The following SPTY2D1 variants were observed in gnomAD, a reference collection of about 807,000 sequenced individuals.
SPTY2D1 encodes the protein SPT2 chromatin protein domain containing 1, also known as protein SPT2 homolog.
Under a neutral mutation model 64.0 loss-of-function variants are expected in SPTY2D1, and 21 were observed. The observed-to-expected ratio is 0.33, with a 90% CI of 0.23 to 0.47. The LOEUF is 0.47. SPTY2D1 is among the 20% of genes least tolerant of loss of function. SPTY2D1 has a pLI of 1.00. For synonymous variants in SPTY2D1, 287 were observed against 286.8 expected, an observed-to-expected ratio of 1.00 and a Z score of -0.01; for missense variants, 724 against 837.2, an observed-to-expected ratio of 0.86 and a Z score of 1.67.
chr11:18,623,960 G>A (rs998281114), intron 1 of SPTY2D1, among the ~76,000 whole-genome samples: 9 of 152,024 alleles, frequency 5.9e-5, no homozygotes, highest in Non-Finnish European at 8.8e-5. Flanking sequence ...CTGAATATTC[G>A]GATTGTCTCT....
chr11:18,614,434 G>A (rs571883766), intron 3 of SPTY2D1, 129 bp downstream of exon 3: 25 of 930,768 alleles, frequency 2.7e-5, no homozygotes, highest in East Asian at 2.2e-4. Context: ...AAAACATCAC[G>A]ATTCTATCAA....
chr11:18,607,736 AG>A lies in SPTY2D1; in HGVS notation c.*2124del, dbSNP rs745814549. ...TTTTTTCTTTTAAATGAGCCACAGA[AG>A]TGCTCTTTTATAATGTTGACGCAAA... On this transcript the variant is annotated 3_prime_UTR_variant, in exon 6 of 6. Coordinates refer to ENST00000336349, the MANE Select transcript of SPTY2D1 (RefSeq NM_194285.3). 1 of 152,222 alleles carries A rather than the reference AG, an allele frequency of 6.6e-6. No individual in the cohort carries two copies. The highest frequency in any genetic ancestry group is 1.5e-5 in the Non-Finnish European group (1 of 68,044). 9.4% of individuals were successfully genotyped at this position (152,222 alleles called of 1,614,324 possible). A position where few individuals can be genotyped will look rare whatever the true frequency, so the allele number is the denominator to read the frequency against.
At chr11:18,623,353 T>C (rs1207140211) in intron 1 of SPTY2D1, among the ~76,000 whole-genome samples, 1 of 152,226 alleles carries the variant, frequency 6.6e-6, no homozygotes, top group Non-Finnish European at 1.5e-5. Context: ...CATGTTCTTG[T>C]CTCCCCTCAG....
intron 1 of SPTY2D1, among the ~76,000 whole-genome samples, chr11:18,624,722 G>C (rs1386214185): frequency 1.3e-5 from 2 of 152,234 alleles, no homozygotes; most frequent in Admixed American, 1.3e-4. Context: ...TCCCTGGCCA[G>C]GCGTGATGGC....
chr11:18,633,482 C>T (rs1590408045), intron 1 of SPTY2D1, among the ~76,000 whole-genome samples: 1 of 152,212 alleles, frequency 6.6e-6, no homozygotes, highest in African/African-American at 2.4e-5. Context: ...AGTCTTACAC[C>T]GCTCTTGCGA....
At chr11:18,613,742 C>T (rs774155413) in intron 3 of SPTY2D1, among the ~76,000 whole-genome samples, 29 of 152,154 alleles carry the variant, frequency 1.9e-4, no homozygotes, top group Non-Finnish European at 2.9e-4. Flanking sequence ...AAAGCAAGTA[C>T]GACCTAGCAG....
At chr11:18,630,552 C>T (rs1038775451) in intron 1 of SPTY2D1, among the ~76,000 whole-genome samples, 2 of 152,158 alleles carry the variant, frequency 1.3e-5, no homozygotes, top group African/African-American at 2.4e-5. Flanking sequence ...GTCTAATCAT[C>T]GCTAGTCACT....
intron 1 of SPTY2D1, among the ~76,000 whole-genome samples, chr11:18,618,865 C>T (rs1565160222): frequency 6.6e-6 from 1 of 152,178 alleles, no homozygotes; most frequent in Non-Finnish European, 1.5e-5. Flanking sequence ...CTAATTCAAC[C>T]TGAAAATCTT....
intron 3 of SPTY2D1, among the ~76,000 whole-genome samples, chr11:18,613,952 T>C (rs911752322): frequency 2.0e-5 from 3 of 152,198 alleles, no homozygotes; most frequent in African/African-American, 7.2e-5. Context: ...GACAGGTCTC[T>C]TTAGTCCTCA....
Position 18,616,761 on chromosome 11 carries a change from ACCC to A in SPTY2D1, c.175+111_175+113del. 1.5e-5 allele frequency: 12 copies of A among 801,908 alleles called. No individual in the cohort carries two copies. The Admixed American group carries it at 2.8e-4, about 19-fold the overall frequency. 49.7% of individuals were successfully genotyped at this position (801,908 alleles called of 1,614,324 possible). On this transcript the variant is annotated intron_variant, in intron 2 of 5. Transcript: ENST00000336349. ...CACACACACACACACACACACACAC[ACCC>A]TCCCAAATCTGTTGGCCTGTTATGT...
Position 18,614,828 on chromosome 11 carries a change from C to G in SPTY2D1, c.1446G>C (p.Leu482Phe). ...CACTGACAGACCGCCCCGGGGGGCC[C>G]AAGCCACTCACTGGTCGTCGAAGTT... ...PHELRRPVSGLGPPGRSVSGP... is the reference protein window; with the variant it reads ...PHELRRPVSGFGPPGRSVSGP... Residue 482 changes from leucine to phenylalanine, a missense_variant, in exon 3 of 6, where the codon TTG becomes TTC. Coordinates refer to ENST00000336349, the MANE Select transcript of SPTY2D1 (RefSeq NM_194285.3). 6.2e-7 allele frequency: 1 copy of G among 1,612,822 alleles called. No homozygotes were observed. The highest frequency in any genetic ancestry group is 1.1e-5 in the South Asian group (1 of 90,962).
At position 18,614,547 on chromosome 11, in the gene SPTY2D1, T is replaced by A; in HGVS notation, c.1711+16A>T. 1 of 1,586,398 alleles carries A rather than the reference T, an allele frequency of 6.3e-7. No individual in the cohort carries two copies. Among genetic ancestry groups the A allele is most frequent in the Non-Finnish European group, 8.6e-7 (1 of 1,164,400 alleles). ...AATGACAAATATATACTCTTTCGGG[T>A]GAGGGGAAATTTTACCTTGGGCAGC... is the stretch of plus-strand genomic sequence containing the variant. On this transcript the variant is annotated intron_variant, in intron 3 of 5. Coordinates refer to ENST00000336349, the MANE Select transcript of SPTY2D1 (RefSeq NM_194285.3).
rs771598940 is a variant in SPTY2D1, at chr11:18,609,920, T to C, written c.1999A>G (p.Met667Val). 9 of 1,614,190 alleles carry C rather than the reference T, an allele frequency of 5.6e-6. No individual in the cohort carries two copies. Among genetic ancestry groups the C allele is most frequent in the South Asian group, 1.1e-5 (1 of 91,086 alleles). ...TGCATTTCTTCTTCTTCACGTCTCA[T>C]TTCCTCTAAGTCCTCTTGCATACCC... ...RLGMQEDLEE[M>V]RREEEEMQRR... Residue 667 changes from methionine to valine, a missense_variant, in exon 6 of 6, where the codon ATG becomes GTG. By Grantham distance (21) the Met-to-Val change is conservative. Coordinates refer to ENST00000336349, the MANE Select transcript of SPTY2D1 (RefSeq NM_194285.3).
chr11:18,628,213 C>T (rs1446251774), intron 1 of SPTY2D1, among the ~76,000 whole-genome samples: 2 of 152,206 alleles, frequency 1.3e-5, no homozygotes, highest in South Asian at 4.1e-4. Context: ...TTAAGCTTCC[C>T]CAGACCTTGC....
chr11:18,608,494 T>C lies in SPTY2D1; in HGVS notation c.*1367A>G, dbSNP rs1854143296. On this transcript the variant is annotated 3_prime_UTR_variant, in exon 6 of 6. Transcript: ENST00000336349. ...CAATGGCTTAAGATAGCCAAAACGT[T>C]TATTGTAGAACGTTTATTATTCCTA... 1 of 152,194 alleles carries C rather than the reference T, an allele frequency of 6.6e-6. No homozygotes were observed. Among genetic ancestry groups the C allele is most frequent in the Non-Finnish European group, 1.5e-5 (1 of 68,050 alleles). The allele number at this position is 152,194 out of a possible 1,614,324, so 9.4% of individuals were successfully genotyped here.
intron 1 of SPTY2D1, among the ~76,000 whole-genome samples, chr11:18,631,693 G>T (rs1854592168): frequency 6.6e-6 from 1 of 151,446 alleles, no homozygotes. Flanking sequence ...AAAATAGATG[G>T]AATAAATATG....
intron 3 of SPTY2D1, among the ~76,000 whole-genome samples, chr11:18,613,528 T>C (rs917672443): frequency 4.6e-5 from 7 of 152,216 alleles, no homozygotes; most frequent in African/African-American, 1.7e-4. Context: ...GCAGCATCCC[T>C]GTCCTCTATT....
chr11:18,618,261 CTG>C (rs1339905672), intron 1 of SPTY2D1, among the ~76,000 whole-genome samples: 2 of 152,184 alleles, frequency 1.3e-5, no homozygotes, highest in Non-Finnish European at 2.9e-5. Context: ...CAACCTTTAA[CTG>C]TAGCTCTTAT....
At position 18,615,618 on chromosome 11, in the gene SPTY2D1, G is replaced by C; in HGVS notation, c.656C>G (p.Thr219Arg). ...CACAGTTGGAGGTAGTTTTCCATCT[G>C]TCTCAAGTTTTTTTCTCCTATGCTT... ...ERKHRRKKLETDGKLPPTVSK... is the reference protein window; with the variant it reads ...ERKHRRKKLERDGKLPPTVSK... The change falls in exon 3 of 6, where the codon ACA becomes AGA. Residue 219 changes from threonine to arginine, a missense_variant. Physicochemically the swap from Thr to Arg is moderately conservative, Grantham distance 71 (BLOSUM62 -1). Transcript: ENST00000336349. 1 of 1,614,220 alleles carries C rather than the reference G, an allele frequency of 6.2e-7. No homozygotes were observed. The highest frequency in any genetic ancestry group is 1.1e-5 in the South Asian group (1 of 91,090).
Sources: gnomAD v4.1 joint callset for allele counts (sites outside exome capture counted in the v4.1 genomes callset) on GRCh38, gnomAD v4.1.1 for gene constraint, MANE v1.5 for transcripts, NCBI Gene and HGNC (gene_info 2026-07-23, HGNC 2026-07-21) for gene names.